Variants in MRTFB observed in about 807,000 individuals in gnomAD.
MRTFB encodes the protein myocardin-related transcription factor B.
MRTFB carries 29 observed loss-of-function variants against 104.2 expected under a neutral mutation model. The observed-to-expected ratio is 0.28, with a 90% CI of 0.21 to 0.38. The LOEUF (loss-of-function observed/expected upper bound fraction) is 0.38. Among genes scored for constraint, MRTFB ranks in the 10% least tolerant of loss-of-function variants. The pLI, the probability that MRTFB is intolerant of heterozygous loss-of-function variation, is 1.00. For missense variants in MRTFB, 1,270 were observed against 1,341.6 expected (o/e 0.95, Z 0.83); for synonymous variants, 535 against 519.5 (o/e 1.03, Z -0.41).
chr16:14,104,248 G>A (rs1398118312), intron 2 of MRTFB, among the ~76,000 whole-genome samples: 1 of 152,176 alleles, frequency 6.6e-6, no homozygotes, highest in African/African-American at 2.4e-5. Flanking sequence ...ACCCCTAAAG[G>A]TGTGACTGTC....
chr16:14,159,632 T>G (rs2038952803), intron 3 of MRTFB, among the ~76,000 whole-genome samples: 1 of 152,206 alleles, frequency 6.6e-6, no homozygotes, highest in Admixed American at 6.5e-5. Flanking sequence ...ATTTATTAAC[T>G]TTATTTAAGA....
At chr16:14,130,873 A>G (rs933181378) in intron 2 of MRTFB, among the ~76,000 whole-genome samples, 2 of 152,134 alleles carry the variant, frequency 1.3e-5, no homozygotes, top group African/African-American at 4.8e-5. Context: ...AGGGAAAAAC[A>G]CCTTATAAAA....
chr16:14,157,152 A>C (rs902702567), intron 3 of MRTFB, among the ~76,000 whole-genome samples: 1 of 152,244 alleles, frequency 6.6e-6, no homozygotes, highest in Non-Finnish European at 1.5e-5. Context: ...AATGTCATAT[A>C]ATAGGGAATA....
chr16:14,039,757 G>A, the MRTFB span, among the ~76,000 whole-genome samples: 1 of 98,668 alleles, frequency 1.0e-5, no homozygotes, highest in Non-Finnish European at 1.9e-5. Context: ...TCAATAATAT[G>A]TTCTTTTTTT....
chr16:14,017,922 A>G, the MRTFB span, among the ~76,000 whole-genome samples: 35 of 150,820 alleles, frequency 2.3e-4, no homozygotes, highest in Admixed American at 4.7e-4. Flanking sequence ...GGTTCTTGCT[A>G]TGTTGCCCAG....
upstream of MRTFB, among the ~76,000 whole-genome samples, chr16:14,067,199 T>C (rs2033533911): frequency 6.6e-6 from 1 of 150,648 alleles, no homozygotes; most frequent in African/African-American, 2.4e-5. Context: ...CAAATCATGA[T>C]GTCACTTTGG....
At chr16:14,053,845 G>GC in the MRTFB span, among the ~76,000 whole-genome samples, 9 of 152,066 alleles carry the variant, frequency 5.9e-5, no homozygotes, top group Non-Finnish European at 1.3e-4. Context: ...CTATGATTGT[G>GC]CCACTGCATC....
chr16:14,128,800 G>A (rs909294226), intron 2 of MRTFB, among the ~76,000 whole-genome samples: 6 of 152,134 alleles, frequency 3.9e-5, no homozygotes, highest in Non-Finnish European at 8.8e-5. Context: ...CAGTATCATT[G>A]TTTTAATTAT....
chr16:14,201,080 T>C (rs1013421151), intron 3 of MRTFB: 16 of 1,443,638 alleles, frequency 1.1e-5, no homozygotes, highest in Non-Finnish European at 1.5e-5. Context: ...GAGTGTTGGC[T>C]TTGTTTTTCC....
Position 14,154,949 on chromosome 16 carries a change from C to T in MRTFB, c.154+14189C>T, listed in dbSNP as rs142495039. Among the ~76,000 whole-genome samples the T allele has an allele frequency of 1.5e-3, 226 of 152,186 alleles. 1 individual carries two copies. The highest frequency in any genetic ancestry group is 5.1e-3 in the African/African-American group (211 of 41,522). ...AGCATTCCTTAAACTTAACCATATT[C>T]GATTGATTAGAAGCAAATTACTCTA... is the stretch of plus-strand genomic sequence containing the variant. On this transcript the variant is annotated intron_variant, in intron 3 of 16. Coordinates refer to ENST00000571589, the MANE Select transcript of MRTFB (RefSeq NM_001308142.2).
chr16:14,135,810 G>A (rs1486845631), intron 2 of MRTFB, among the ~76,000 whole-genome samples: 2 of 152,130 alleles, frequency 1.3e-5, no homozygotes, highest in Non-Finnish European at 2.9e-5. Flanking sequence ...ACCACTCTGT[G>A]TCATGCCCTC....
At chr16:14,017,272 G>A in the MRTFB span, among the ~76,000 whole-genome samples, 2 of 151,532 alleles carry the variant, frequency 1.3e-5, no homozygotes, top group African/African-American at 4.8e-5. Flanking sequence ...TAGCCAGGAT[G>A]GTCTCGATCT....
intron 2 of MRTFB, among the ~76,000 whole-genome samples, chr16:14,128,971 C>T (rs1269598639): frequency 6.6e-6 from 1 of 152,258 alleles, no homozygotes; most frequent in Non-Finnish European, 1.5e-5. Flanking sequence ...CTACTCTGTT[C>T]TCTGTCCCGG....
the MRTFB span, among the ~76,000 whole-genome samples, chr16:14,002,656 T>C: frequency 6.6e-6 from 1 of 152,148 alleles, no homozygotes; most frequent in Admixed American, 6.5e-5. Context: ...AAAGACACTC[T>C]TGAAGCTTCC....
At chr16:14,196,231 T>C (rs1448777569) in intron 3 of MRTFB, among the ~76,000 whole-genome samples, 1 of 152,232 alleles carries the variant, frequency 6.6e-6, no homozygotes, top group Non-Finnish European at 1.5e-5. Context: ...AAAGCTCCTG[T>C]AAATTTCCAA....
chr16:14,070,501 A>G (rs1378073191), upstream of MRTFB, among the ~76,000 whole-genome samples: 1 of 152,200 alleles, frequency 6.6e-6, no homozygotes, highest in Non-Finnish European at 1.5e-5. Flanking sequence ...CAGTCTAAGG[A>G]GGAGACAGAA....
chr16:14,210,038 T>G (rs1403094415), intron 3 of MRTFB, among the ~76,000 whole-genome samples: 1 of 152,258 alleles, frequency 6.6e-6, no homozygotes, highest in Non-Finnish European at 1.5e-5. Flanking sequence ...AAATTTATAC[T>G]GTGTAAACTT....
intron 8 of MRTFB, among the ~76,000 whole-genome samples, chr16:14,221,908 A>G (rs937767797): frequency 1.3e-5 from 2 of 150,906 alleles, no homozygotes; most frequent in African/African-American, 2.4e-5. Context: ...CAGCCTCCCA[A>G]GTAGCTGGAA....
intron 3 of MRTFB, among the ~76,000 whole-genome samples, chr16:14,160,970 G>GCACTAAAAGAA (rs2039009528): frequency 6.6e-6 from 1 of 151,308 alleles, no homozygotes; most frequent in Non-Finnish European, 1.5e-5. Flanking sequence ...AGAATTTCTG[G>GCACTAAAAGAA]TTCCTTTTAG....
Sources: allele counts gnomAD v4.1 joint callset (sites outside exome capture counted in the v4.1 genomes callset), GRCh38; gene constraint gnomAD v4.1.1; transcripts MANE v1.5; gene names NCBI Gene and HGNC (gene_info 2026-07-23, HGNC 2026-07-21).